The following LPP variants were observed in gnomAD, a reference collection of about 807,000 sequenced individuals.
LPP encodes the protein LIM domain containing preferred translocation partner in lipoma, also known as lipoma-preferred partner.
In LPP, 38 loss-of-function variants were observed where a neutral mutation model predicts 60.4. The ratio of observed to expected loss-of-function variants is 0.63; its 90% CI spans 0.49 to 0.83. LPP has a LOEUF of 0.83. Ranked by LOEUF, LPP falls within the 40% of genes least tolerant of loss-of-function variation. The pLI is 0.00. For missense variants in LPP, 902 were observed against 783.6 expected (o/e 1.15, Z -1.80); for synonymous variants, 328 against 290.8 (o/e 1.13, Z -1.30).
intron 5 of LPP, among the ~76,000 whole-genome samples, chr3:188,513,475 A>G (rs529318532): frequency 4.6e-5 from 7 of 151,920 alleles, no homozygotes; most frequent in Non-Finnish European, 8.8e-5. Flanking sequence ...GGGGTGCCAA[A>G]TATCTATTTT....
chr3:188,324,990 T>G (rs1302397676), intron 2 of LPP, among the ~76,000 whole-genome samples: 1 of 151,862 alleles, frequency 6.6e-6, no homozygotes, highest in African/African-American at 2.4e-5. Flanking sequence ...TCTTTCTTTA[T>G]TTTTTTTGAG....
chr3:188,403,703 A>C lies in LPP; in HGVS notation c.-9-2409A>C, dbSNP rs200684691. 2.0e-5 allele frequency among the ~76,000 whole-genome samples: 3 copies of C among 152,322 alleles called. No homozygotes were observed. In the East Asian group the frequency reaches 5.8e-4, roughly 29 times the overall value. On this transcript the variant is annotated intron_variant, in intron 3 of 11. Transcript: ENST00000617246. Reference sequence around the variant, plus strand: ...TAGAAAAAAAAAATCATCTGAAGTTATTCCAAATGAACAGCTAAATTTAAA... The same window carrying C: ...TAGAAAAAAAAAATCATCTGAAGTTCTTCCAAATGAACAGCTAAATTTAAA...
intron 7 of LPP, among the ~76,000 whole-genome samples, chr3:188,622,794 C>T (rs1376935804): frequency 6.6e-6 from 1 of 151,970 alleles, no homozygotes; most frequent in South Asian, 2.1e-4. Context: ...CTTTGGGAGA[C>T]CGAGGCAGGC....
chr3:188,444,599 A>G (rs570634432), intron 4 of LPP, among the ~76,000 whole-genome samples: 17 of 152,322 alleles, frequency 1.1e-4, no homozygotes, highest in African/African-American at 4.1e-4. Context: ...CTAAAACACC[A>G]AAAGCAATGC....
chr3:188,733,201 A>C (rs1721276573), intron 8 of LPP, among the ~76,000 whole-genome samples: 2 of 152,038 alleles, frequency 1.3e-5, no homozygotes, highest in South Asian at 4.1e-4. Context: ...TAAAGGGAAC[A>C]TTTCTTTATT....
chr3:188,368,701 CACACACACACACACACACAGAGAG>C (rs1771999679), intron 3 of LPP, among the ~76,000 whole-genome samples: 1 of 121,736 alleles, frequency 8.2e-6, no homozygotes, highest in African/African-American at 2.9e-5. Flanking sequence ...CACACACACA[CACACACACACACACACACAGAGAG>C]AGAGAGAGAG....
At chr3:188,376,628 C>T (rs1775183534) in intron 3 of LPP, among the ~76,000 whole-genome samples, 2 of 152,292 alleles carry the variant, frequency 1.3e-5, no homozygotes, top group Admixed American at 1.3e-4. Flanking sequence ...TTCCTGAATA[C>T]AGCACACTGA....
At chr3:188,491,182 A>T (rs1175546669) in intron 5 of LPP, among the ~76,000 whole-genome samples, 1 of 152,230 alleles carries the variant, frequency 6.6e-6, no homozygotes, top group African/African-American at 2.4e-5. Flanking sequence ...TTCATTCATG[A>T]ACTCACAGAA....
chr3:188,388,617 C>T (rs1778930703), intron 3 of LPP, among the ~76,000 whole-genome samples: 1 of 152,172 alleles, frequency 6.6e-6, no homozygotes, highest in African/African-American at 2.4e-5. Flanking sequence ...GGATTATTCT[C>T]ATGGCATTGG....
chr3:188,708,594 A>C, intron 8 of LPP: 1 of 666,520 alleles, frequency 1.5e-6, no homozygotes, highest in South Asian at 2.2e-5. Flanking sequence ...CTTAGCTTAT[A>C]CTAAAATTTC....
At chr3:188,789,213 C>T (rs889641826) in intron 9 of LPP, among the ~76,000 whole-genome samples, 1 of 152,084 alleles carries the variant, frequency 6.6e-6, no homozygotes, top group South Asian at 2.1e-4. Context: ...ACCTTTACTG[C>T]ACTGGGAAAC....
chr3:188,262,729 G>GTC (rs1283177983), intron 2 of LPP, among the ~76,000 whole-genome samples: 1 of 148,098 alleles, frequency 6.8e-6, no homozygotes. Context: ...TTCTCTCTCT[G>GTC]TCTCACACAC....
chr3:188,456,453 A>G (rs1229960866), intron 4 of LPP, among the ~76,000 whole-genome samples: 1 of 152,274 alleles, frequency 6.6e-6, no homozygotes, highest in Non-Finnish European at 1.5e-5. Flanking sequence ...GTATGTTACT[A>G]TAAGAATGTG....
chr3:188,509,850 G>T (rs527376789), intron 5 of LPP, among the ~76,000 whole-genome samples: 6 of 146,440 alleles, frequency 4.1e-5, no homozygotes, highest in African/African-American at 1.5e-4. Flanking sequence ...GTGCCACCAT[G>T]CCTGGCTAAT....
intron 4 of LPP, among the ~76,000 whole-genome samples, chr3:188,481,389 A>T (rs971403314): frequency 6.6e-6 from 1 of 152,254 alleles, no homozygotes; most frequent in African/African-American, 2.4e-5. Context: ...GCAGATAATT[A>T]TGTGTTTATC....
At chr3:188,742,894 G>A (rs1724934543) in intron 8 of LPP, among the ~76,000 whole-genome samples, 1 of 152,184 alleles carries the variant, frequency 6.6e-6, no homozygotes, top group Non-Finnish European at 1.5e-5. Flanking sequence ...ATTCGGCCAA[G>A]GCATATTTGA....
intron 8 of LPP, among the ~76,000 whole-genome samples, chr3:188,715,985 T>C (rs1205277464): frequency 6.6e-6 from 1 of 152,210 alleles, no homozygotes; most frequent in East Asian, 1.9e-4. Context: ...TTATATGATA[T>C]TGTCTTATTC....
chr3:188,392,045 G>A (rs7613192), intron 3 of LPP, among the ~76,000 whole-genome samples: 7 of 151,946 alleles, frequency 4.6e-5, no homozygotes, highest in African/African-American at 1.7e-4. Flanking sequence ...TTTGAGTGTC[G>A]ATCTACCATA....
At chr3:188,664,401 T>C (rs1297800605) in intron 7 of LPP, among the ~76,000 whole-genome samples, 1 of 152,194 alleles carries the variant, frequency 6.6e-6, no homozygotes, top group Non-Finnish European at 1.5e-5. Context: ...TTACACATGG[T>C]GTTTCAAGTT....
Sources: gnomAD v4.1 joint callset for allele counts (sites outside exome capture counted in the v4.1 genomes callset) on GRCh38, gnomAD v4.1.1 for gene constraint, MANE v1.5 for transcripts, NCBI Gene and HGNC (gene_info 2026-07-23, HGNC 2026-07-21) for gene names.